The following FYN variants were observed in gnomAD, a reference collection of about 807,000 sequenced individuals.
The protein encoded by FYN is FYN proto-oncogene, Src family tyrosine kinase.
In FYN, 10 loss-of-function variants were observed where a neutral mutation model predicts 70.2. The ratio of observed to expected loss-of-function variants is 0.14; its 90% CI spans 0.09 to 0.24. The LOEUF (loss-of-function observed/expected upper bound fraction) is 0.24. Ranked by LOEUF, FYN falls within the 10% of genes least tolerant of loss-of-function variation. The probability of loss-of-function intolerance (pLI) is 1.00; values close to 1 mark genes in which losing one functional copy is unlikely to be tolerated. For missense variants in FYN, 319 were observed against 673.1 expected, an observed-to-expected ratio of 0.47 and a Z score of 5.82; for synonymous variants, 236 against 248.6, an observed-to-expected ratio of 0.95 and a Z score of 0.48.
chr6:111,705,974 G>GT (rs1800072570), intron 6 of FYN, among the ~76,000 whole-genome samples: 1 of 152,194 alleles, frequency 6.6e-6, no homozygotes, highest in Admixed American at 6.5e-5. Context: ...TGGCACAACT[G>GT]TAAGAACTGG....
At chr6:111,788,495 T>C (rs186440346) in intron 2 of FYN, among the ~76,000 whole-genome samples, 258 of 152,182 alleles carry the variant, frequency 1.7e-3, no homozygotes, top group Non-Finnish European at 3.0e-3. Context: ...CTTTGTTGAG[T>C]CTCATTTTCG....
At chr6:111,739,528 C>T (rs1801858534) in intron 3 of FYN, among the ~76,000 whole-genome samples, 1 of 152,220 alleles carries the variant, frequency 6.6e-6, no homozygotes, top group Non-Finnish European at 1.5e-5. Context: ...GGCCCCGCCG[C>T]TGGGCAGTTC....
At chr6:111,721,624 T>G (rs1038044740) in intron 3 of FYN, among the ~76,000 whole-genome samples, 55 of 152,028 alleles carry the variant, frequency 3.6e-4, no homozygotes, top group African/African-American at 1.3e-3. Context: ...AGGCTGGTCT[T>G]GAACTCCTGA....
intron 3 of FYN, among the ~76,000 whole-genome samples, chr6:111,747,699 G>A (rs1802292058): frequency 6.6e-6 from 1 of 152,178 alleles, no homozygotes; most frequent in Non-Finnish European, 1.5e-5. Flanking sequence ...TCTCAGCCCT[G>A]GGTGGAGCCG....
At chr6:111,711,519 G>A (rs1487595335) in intron 5 of FYN, among the ~76,000 whole-genome samples, 1 of 152,224 alleles carries the variant, frequency 6.6e-6, no homozygotes, top group Non-Finnish European at 1.5e-5. Flanking sequence ...TTGCTGGGTA[G>A]CAGGAACACC....
In FYN at chr6:111,688,622, C is replaced by T. The variant is rs9398277; in HGVS notation, c.1273+5753G>A. Among the ~76,000 whole-genome samples, 132 of 152,302 alleles carry T rather than the reference C, an allele frequency of 8.7e-4. 1 individual carries two copies. The East Asian group carries it at 0.016, about 18-fold the overall frequency. On this transcript the variant is annotated intron_variant, in intron 12 of 13. Coordinates refer to ENST00000354650, the MANE Select transcript of FYN (RefSeq NM_002037.5). Reference sequence around the variant, plus strand: ...GGGAGAACTGCTCCAGCCGTGCCCACGCAGCGTGTGTGTGCTCATGCAGCG... The same window carrying T: ...GGGAGAACTGCTCCAGCCGTGCCCATGCAGCGTGTGTGTGCTCATGCAGCG...
chr6:111,851,312 T>C (rs1204536699), intron 1 of FYN, among the ~76,000 whole-genome samples: 1 of 152,228 alleles, frequency 6.6e-6, no homozygotes, highest in Non-Finnish European at 1.5e-5. Context: ...ATTAAAAAGG[T>C]AATACACGCT....
chr6:111,867,960 CA>C lies in FYN; in HGVS notation c.-123+5007del, dbSNP rs1377952495. On this transcript the variant is annotated intron_variant, in intron 1 of 13. Coordinates refer to ENST00000354650, the MANE Select transcript of FYN (RefSeq NM_002037.5). ...TTGTCCATCTCTGTACCACTCCAAA[CA>C]GCCCTGAACTAACTGCAGTTCCCCA... Among the ~76,000 whole-genome samples, 9 of 152,318 alleles carry C rather than the reference CA, an allele frequency of 5.9e-5. No homozygotes were observed. In the East Asian group the frequency reaches 1.7e-3, roughly 29 times the overall value.
chr6:111,703,963 G>C (rs1414033761), intron 7 of FYN, 36 bp downstream of exon 7: 2 of 1,524,278 alleles, frequency 1.3e-6, no homozygotes, highest in Admixed American at 3.4e-5. Context: ...CCACAGATTT[G>C]AATGACAAGC....
At chr6:111,705,197 T>C (rs9487709) in intron 6 of FYN, among the ~76,000 whole-genome samples, 18,557 of 152,166 alleles carry the variant, frequency 0.12, 2,238 homozygotes, top group African/African-American at 0.3. Context: ...TCAGATTAGA[T>C]AGATATGATA....
At chr6:111,867,611 T>C (rs1774152627) in intron 1 of FYN, among the ~76,000 whole-genome samples, 1 of 152,114 alleles carries the variant, frequency 6.6e-6, no homozygotes, top group Non-Finnish European at 1.5e-5. Context: ...CTTATTGGAC[T>C]GCTTGTCTCT....
intron 2 of FYN, among the ~76,000 whole-genome samples, chr6:111,809,374 T>A (rs562603192): frequency 7.9e-5 from 12 of 152,328 alleles, no homozygotes; most frequent in African/African-American, 2.9e-4. Flanking sequence ...ATGAGAGACA[T>A]TTACATTTCC....
At chr6:111,786,523 T>C (rs546732597) in intron 2 of FYN, among the ~76,000 whole-genome samples, 1 of 152,240 alleles carries the variant, frequency 6.6e-6, no homozygotes, top group Non-Finnish European at 1.5e-5. Flanking sequence ...TATGTGTGCA[T>C]GTATCTTTAT....
rs1224010529 is a variant in FYN, at chr6:111,717,756, A to G, written c.247+2049T>C. On this transcript the variant is annotated intron_variant, in intron 4 of 13. Transcript: ENST00000354650. ...TGGGATTACAGGCATGAGCTACTGC[A>G]CCCGGCCAGAGTCCACCTTTTTTAC... Among the ~76,000 whole-genome samples the G allele has an allele frequency of 2.6e-5, 4 of 152,178 alleles. No homozygotes were observed. The East Asian group carries it at 7.7e-4, about 29-fold the overall frequency.
At chr6:111,769,797 T>C (rs1035214889) in intron 3 of FYN, among the ~76,000 whole-genome samples, 2 of 152,202 alleles carry the variant, frequency 1.3e-5, no homozygotes, top group African/African-American at 2.4e-5. Flanking sequence ...AAGAAAATTA[T>C]GGAAACTCTG....
chr6:111,666,126 T>G (rs1157667948), intron 13 of FYN, among the ~76,000 whole-genome samples: 6 of 150,836 alleles, frequency 4.0e-5, no homozygotes, highest in Admixed American at 2.0e-4. Context: ...CTCAGCCTCC[T>G]GAGTAGCTGG....
intron 3 of FYN, among the ~76,000 whole-genome samples, chr6:111,750,968 AG>A (rs769470366): frequency 5.9e-5 from 9 of 152,138 alleles, no homozygotes; most frequent in Non-Finnish European, 1.2e-4. Context: ...GTGCAAAATA[AG>A]TTTTACTTGA....
At chr6:111,667,285 C>T (rs1798054001) in intron 13 of FYN, among the ~76,000 whole-genome samples, 2 of 152,180 alleles carry the variant, frequency 1.3e-5, no homozygotes, top group Non-Finnish European at 2.9e-5. Context: ...GTCACCCAGC[C>T]TGGAGTGCAG....
At chr6:111,712,397 AG>A (rs1213073058) in intron 5 of FYN, among the ~76,000 whole-genome samples, 1 of 152,198 alleles carries the variant, frequency 6.6e-6, no homozygotes, top group Non-Finnish European at 1.5e-5. Context: ...ATACCCAGAG[AG>A]ATCAAAGCCC....
Sources: allele counts gnomAD v4.1 joint callset (sites outside exome capture counted in the v4.1 genomes callset), GRCh38; gene constraint gnomAD v4.1.1; transcripts MANE v1.5; gene names NCBI Gene and HGNC (gene_info 2026-07-23, HGNC 2026-07-21).